RBFOX1: variants seen among roughly 807,000 people sequenced by gnomAD.
The protein encoded by RBFOX1 is RNA binding protein fox-1 homolog 1.
RBFOX1 carries 8 observed loss-of-function variants against 57.7 expected under a neutral mutation model. That is an observed-to-expected ratio of 0.14 (90% CI 0.08 to 0.25). The LOEUF (loss-of-function observed/expected upper bound fraction) is 0.25, where lower values mean the gene tolerates loss of function less well. Among genes scored for constraint, RBFOX1 ranks in the 10% least tolerant of loss-of-function variants. The pLI, the probability that RBFOX1 is intolerant of heterozygous loss-of-function variation, is 1.00. For synonymous variants in RBFOX1, 326 were observed against 222.4 expected, an observed-to-expected ratio of 1.47 and a Z score of -4.15; for missense variants, 611 against 548.5, an observed-to-expected ratio of 1.11 and a Z score of -1.14.
intron 4 of RBFOX1, among the ~76,000 whole-genome samples, chr16:7,182,960 C>T (rs1290143494): frequency 6.6e-6 from 1 of 152,186 alleles, no homozygotes; most frequent in Non-Finnish European, 1.5e-5. Context: ...TCATATGCAC[C>T]TTCCCACACT....
chr16:6,203,557 A>G (rs909296995), intron 1 of RBFOX1, among the ~76,000 whole-genome samples: 11 of 152,200 alleles, frequency 7.2e-5, no homozygotes, highest in African/African-American at 7.2e-5. Context: ...GGAAATGCAT[A>G]TATCTCATGG....
intron 3 of RBFOX1, among the ~76,000 whole-genome samples, chr16:6,702,047 T>C (rs1171822722): frequency 1.3e-5 from 2 of 152,072 alleles, no homozygotes; most frequent in Non-Finnish European, 2.9e-5. Context: ...CCTTGCAACA[T>C]ACAATTTACC....
At chr16:5,774,632 C>T (rs1161656666) in intron 3 of RBFOX1, among the ~76,000 whole-genome samples, 3 of 152,170 alleles carry the variant, frequency 2.0e-5, no homozygotes, top group Non-Finnish European at 1.5e-5. Context: ...TACTGTGTAA[C>T]AGGGCTTTGG....
At chr16:5,889,924 G>C (rs1222588410) in intron 4 of RBFOX1, among the ~76,000 whole-genome samples, 1 of 152,226 alleles carries the variant, frequency 6.6e-6, no homozygotes, top group African/African-American at 2.4e-5. Flanking sequence ...TCTGGCAGAG[G>C]ACGAAGACTG....
intron 5 of RBFOX1, among the ~76,000 whole-genome samples, chr16:7,568,955 A>G (rs1230679322): frequency 6.6e-6 from 1 of 150,424 alleles, no homozygotes; most frequent in Non-Finnish European, 1.5e-5. Context: ...TCTCAGCCTC[A>G]TTTTATCCAG....
chr16:6,657,297 C>G (rs769659177), intron 3 of RBFOX1, among the ~76,000 whole-genome samples: 1 of 152,004 alleles, frequency 6.6e-6, no homozygotes. Context: ...TTCTCTGTTT[C>G]TAACAATTGT....
intron 3 of RBFOX1, among the ~76,000 whole-genome samples, chr16:6,763,092 A>G (rs2154200300): frequency 6.6e-6 from 1 of 152,336 alleles, no homozygotes; most frequent in Middle Eastern, 3.4e-3. Flanking sequence ...ACGAGAACTT[A>G]TGTAAATGTC....
intron 1 of RBFOX1, among the ~76,000 whole-genome samples, chr16:5,323,713 C>G (rs1055759183): frequency 6.6e-6 from 1 of 152,234 alleles, no homozygotes; most frequent in African/African-American, 2.4e-5. Context: ...CTGATGAGCT[C>G]TGGCATTTCT....
At chr16:5,859,546 A>G (rs990079019) in intron 3 of RBFOX1, among the ~76,000 whole-genome samples, 1 of 152,182 alleles carries the variant, frequency 6.6e-6, no homozygotes, top group Non-Finnish European at 1.5e-5. Flanking sequence ...GATCAAGTTG[A>G]AGGTTCTGAA....
intron 2 of RBFOX1, among the ~76,000 whole-genome samples, chr16:5,556,230 C>G (rs2151094832): frequency 6.6e-6 from 1 of 152,316 alleles, no homozygotes; most frequent in South Asian, 2.1e-4. Flanking sequence ...ATTAATGAGG[C>G]TTTGCTTTGC....
At chr16:7,580,021 T>C in intron 6 of RBFOX1, 101 bp downstream of exon 6, 1 of 1,308,284 alleles carries the variant, frequency 7.6e-7, no homozygotes, top group South Asian at 1.4e-5. Flanking sequence ...AGGTTAGATG[T>C]TTGTATGGGG....
At chr16:7,676,906 C>T (rs2073441511) in intron 14 of RBFOX1, 68 bp downstream of exon 14, 2 of 1,453,324 alleles carry the variant, frequency 1.4e-6, no homozygotes, top group African/African-American at 1.4e-5. Flanking sequence ...AGAGGAGATT[C>T]TTGTATGGTC....
At chr16:7,116,387 C>A (rs2065906579) in intron 4 of RBFOX1, among the ~76,000 whole-genome samples, 2 of 152,100 alleles carry the variant, frequency 1.3e-5, no homozygotes, top group South Asian at 4.2e-4. Flanking sequence ...TGTTTCACAG[C>A]CATGGTTCCC....
At chr16:6,239,907 C>T (rs994927080) in intron 1 of RBFOX1, among the ~76,000 whole-genome samples, 1 of 152,112 alleles carries the variant, frequency 6.6e-6, no homozygotes, top group Non-Finnish European at 1.5e-5. Context: ...GTTGTCCCCG[C>T]CCATATCTCA....
At chr16:7,305,149 T>TC (rs2096147845) in intron 4 of RBFOX1, among the ~76,000 whole-genome samples, 1 of 152,066 alleles carries the variant, frequency 6.6e-6, no homozygotes, top group South Asian at 2.1e-4. Flanking sequence ...GGGTTTTTTT[T>TC]TCCCTTTCAC....
intron 4 of RBFOX1, among the ~76,000 whole-genome samples, chr16:7,102,451 A>C (rs1191934848): frequency 2.0e-5 from 3 of 152,182 alleles, no homozygotes; most frequent in Non-Finnish European, 4.4e-5. Context: ...AGAAAGAATA[A>C]AACATGCCAG....
chr16:6,303,766 G>A (rs1599403257), intron 1 of RBFOX1, among the ~76,000 whole-genome samples: 1 of 149,668 alleles, frequency 6.7e-6, no homozygotes, highest in South Asian at 2.1e-4. Context: ...ATGAGGTCAC[G>A]AGTTTGAGAC....
chr16:7,301,331 G>T (rs886612298), intron 4 of RBFOX1, among the ~76,000 whole-genome samples: 26 of 152,208 alleles, frequency 1.7e-4, no homozygotes, highest in Admixed American at 1.0e-3. Context: ...CTGGTGGAGA[G>T]ATGTTCAGGT....
intron 3 of RBFOX1, among the ~76,000 whole-genome samples, chr16:6,780,011 A>G (rs1399809800): frequency 6.0e-5 from 4 of 66,556 alleles, no homozygotes; most frequent in Non-Finnish European, 9.6e-5. Context: ...ATATATTTAT[A>G]TATATTTATA....
Sources: allele counts gnomAD v4.1 joint callset (sites outside exome capture counted in the v4.1 genomes callset), GRCh38; gene constraint gnomAD v4.1.1; transcripts MANE v1.5; gene names NCBI Gene and HGNC (gene_info 2026-07-23, HGNC 2026-07-21).